SORBS2: variants seen among roughly 807,000 people sequenced by gnomAD.
SORBS2 encodes sorbin and SH3 domain-containing protein 2.
In SORBS2, 46 loss-of-function variants were observed where a neutral mutation model predicts 97.7. The ratio of observed to expected loss-of-function variants is 0.47; its 90% CI spans 0.37 to 0.60. The LOEUF is 0.60. Ranked by LOEUF, SORBS2 falls within the 20% of genes least tolerant of loss-of-function variation. The pLI, the probability that SORBS2 is intolerant of heterozygous loss-of-function variation, is 0.00. For synonymous variants in SORBS2, 476 were observed against 473.4 expected (o/e 1.01, Z -0.07); for missense variants, 1,316 against 1,282.3 (o/e 1.03, Z -0.40).
chr4:185,586,999 A>C (rs1362113109), exon 15 of SORBS2: 7 of 152,660 alleles, frequency 4.6e-5, no homozygotes, highest in Admixed American at 4.6e-4. Context: ...CTCACATTCA[A>C]TCAGCAAAAT....
chr4:185,879,241 T>C (rs2099235610), intron 1 of SORBS2, among the ~76,000 whole-genome samples: 1 of 144,936 alleles, frequency 6.9e-6, no homozygotes, highest in Non-Finnish European at 1.5e-5. Flanking sequence ...CATTGTTCAA[T>C]TCCCACCTAT....
intron 1 of SORBS2, among the ~76,000 whole-genome samples, chr4:185,946,709 A>G (rs2099274714): frequency 6.6e-6 from 1 of 152,238 alleles, no homozygotes; most frequent in African/African-American, 2.4e-5. Flanking sequence ...TAAATTCAAC[A>G]CTTAATGTAC....
chr4:185,880,051 G>A (rs954891357), intron 1 of SORBS2, among the ~76,000 whole-genome samples: 12 of 152,358 alleles, frequency 7.9e-5, no homozygotes, highest in Non-Finnish European at 1.8e-4. Context: ...GGCGAGTGAT[G>A]TGAATTATCC....
intron 3 of SORBS2, among the ~76,000 whole-genome samples, chr4:185,648,868 C>T (rs532253930): frequency 5.9e-5 from 9 of 152,142 alleles, no homozygotes; most frequent in South Asian, 4.2e-4. Flanking sequence ...TTGTAATGAG[C>T]GCTCAATGAA....
intron 1 of SORBS2, among the ~76,000 whole-genome samples, chr4:185,868,174 T>TTTTTTTTTTTTTTTTTTTTTTTG: frequency 7.0e-6 from 1 of 143,304 alleles, no homozygotes. Flanking sequence ...TTTTTTTTTT[T>TTTTTTTTTTTTTTTTTTTTTTTG]GAGGCAGAGT....
At chr4:185,935,287 G>A (rs1390346213) in intron 1 of SORBS2, among the ~76,000 whole-genome samples, 1 of 152,212 alleles carries the variant, frequency 6.6e-6, no homozygotes, top group Non-Finnish European at 1.5e-5. Context: ...AAGGGGCTGA[G>A]TCTCAGCTAT....
chr4:185,684,665 T>A lies in SORBS2; in HGVS notation c.-197-5843A>T. ...AAAATGTTTCCTACAAGATCTCATT[T>A]TCCTTTGCTTTTTACGTTTAGAACA... On this transcript the variant is annotated intron_variant, in intron 2 of 20. Coordinates refer to the SORBS2 transcript ENST00000284776. The surrounding 1 kb of genome is among the most constrained non-coding windows in gnomAD (Gnocchi z 4.2). 1 of 961,736 alleles carries A rather than the reference T, an allele frequency of 1.0e-6. No individual in the cohort carries two copies. Among genetic ancestry groups the A allele is most frequent in the Non-Finnish European group, 1.6e-6 (1 of 638,212 alleles). The allele number at this position is 961,736 out of a possible 1,614,324, so 59.6% of individuals were successfully genotyped here. A position where few individuals can be genotyped will look rare whatever the true frequency, so the allele number is the denominator to read the frequency against.
At chr4:185,827,097 C>G (rs1407330451) in intron 1 of SORBS2, among the ~76,000 whole-genome samples, 1 of 109,550 alleles carries the variant, frequency 9.1e-6, no homozygotes, top group African/African-American at 3.4e-5. Flanking sequence ...TCACCATCAT[C>G]ATCACCATCA....
intron 4 of SORBS2, 135 bp from the exon 15 acceptor site, chr4:185,638,297 G>A (rs997915204): frequency 1.5e-6 from 1 of 661,548 alleles, no homozygotes; most frequent in Non-Finnish European, 2.7e-6. Context: ...AACCTCAGCA[G>A]GAGAGAACGG....
intron 2 of SORBS2, among the ~76,000 whole-genome samples, chr4:185,702,109 A>G (rs531665015): frequency 4.6e-5 from 7 of 152,290 alleles, no homozygotes; most frequent in Non-Finnish European, 1.0e-4. Flanking sequence ...TTAGAAGTAT[A>G]TATCTACATA....
chr4:185,642,305 T>C (rs1308316572), intron 4 of SORBS2, among the ~76,000 whole-genome samples: 1 of 152,166 alleles, frequency 6.6e-6, no homozygotes, highest in African/African-American at 2.4e-5. Context: ...GCTTTTATCA[T>C]TATGTTCAAG....
intron 4 of SORBS2, among the ~76,000 whole-genome samples, chr4:185,640,655 A>G (rs144784619): frequency 9.2e-5 from 14 of 152,312 alleles, no homozygotes; most frequent in African/African-American, 2.4e-4. Flanking sequence ...TAGTTGCAAT[A>G]GTATTAATTG....
At chr4:185,926,724 G>C (rs572950285) in intron 1 of SORBS2, among the ~76,000 whole-genome samples, 31 of 152,064 alleles carry the variant, frequency 2.0e-4, no homozygotes, top group African/African-American at 7.2e-4. Flanking sequence ...TGTTTACTTA[G>C]GAAACATGCG....
At chr4:185,749,060 A>G (rs1006778560) in intron 2 of SORBS2, among the ~76,000 whole-genome samples, 1 of 152,246 alleles carries the variant, frequency 6.6e-6, no homozygotes, top group Non-Finnish European at 1.5e-5. Flanking sequence ...TGGCTTTTAA[A>G]AAAAGATTAT....
chr4:185,678,815 A>C (rs2097832533), exon 3 of SORBS2: 1 of 1,462,664 alleles, frequency 6.8e-7, no homozygotes. Flanking sequence ...GTGACTGAGA[A>C]TCACGCCCTG....
rs760113468 is a variant in SORBS2 at position 185,623,923 on chromosome 4, C to A, written c.1206G>T (p.Thr402=). ...GCACCATGTCCCGGGGCACCTCCTC[C>A]GTGGAGCACTGGCTCCAGGCGCGCA... Residue 402 remains threonine (T), a synonymous_variant, in exon 7 of 15, where the codon ACG becomes ACT. Transcript: ENST00000418609. The surrounding 1 kb of genome is among the most constrained non-coding windows in gnomAD (Gnocchi z 6.4). The A allele has an allele frequency of 3.7e-6, 6 of 1,614,208 alleles. No individual in the cohort carries two copies. In the East Asian group the frequency reaches 8.9e-5, roughly 24 times the overall value.
chr4:185,625,275 A>G (rs905135764), intron 6 of SORBS2, among the ~76,000 whole-genome samples: 1 of 151,924 alleles, frequency 6.6e-6, no homozygotes, highest in African/African-American at 2.4e-5. Flanking sequence ...GAGTTCTTTG[A>G]AAAATCATTT....
At chr4:185,657,262 T>A, upstream of SORBS2, 1 of 559,502 alleles carries the variant, frequency 1.8e-6, no homozygotes. Flanking sequence ...TCAACAGCTT[T>A]CTTTCTCTGC....
At chr4:185,657,672 T>G (rs1157215943), upstream of SORBS2, 1 of 1,310,454 alleles carries the variant, frequency 7.6e-7, no homozygotes, top group Admixed American at 2.2e-5. Context: ...TGTTGTATAT[T>G]TATGCCAACT....
Sources: allele counts gnomAD v4.1 joint callset (sites outside exome capture counted in the v4.1 genomes callset), GRCh38; gene constraint gnomAD v4.1.1; non-coding constraint Gnocchi (gnomAD v3.1); transcripts MANE v1.5; gene names NCBI Gene and HGNC (gene_info 2026-07-23, HGNC 2026-07-21).